The following PLPP1 variants were observed in gnomAD, a reference collection of about 807,000 sequenced individuals.
The protein encoded by PLPP1 is phospholipid phosphatase 1.
In PLPP1, 24 loss-of-function variants were observed where a neutral mutation model predicts 31.2. The ratio of observed to expected loss-of-function variants is 0.77; its 90% CI spans 0.56 to 1.08. The LOEUF is 1.08. PLPP1 is among the 50% of genes least tolerant of loss of function. The probability of loss-of-function intolerance (pLI) is 0.00; values close to 1 mark genes in which losing one functional copy is unlikely to be tolerated. For synonymous variants in PLPP1, 146 were observed against 126.3 expected (o/e 1.16, Z -1.05); for missense variants, 319 against 342.7 (o/e 0.93, Z 0.55).
intron 4 of PLPP1, among the ~76,000 whole-genome samples, chr5:55,428,733 A>G (rs1347514014): frequency 6.6e-6 from 1 of 152,210 alleles, no homozygotes; most frequent in Non-Finnish European, 1.5e-5. Flanking sequence ...CTAATAGTAA[A>G]AAGGCTGTAT....
intron 1 of PLPP1, among the ~76,000 whole-genome samples, chr5:55,492,198 A>G (rs759340240): frequency 6.6e-6 from 1 of 152,202 alleles, no homozygotes; most frequent in Non-Finnish European, 1.5e-5. Context: ...ATACTAAGCC[A>G]TACTTAGGGA....
chr5:55,473,208 A>G (rs965659483), intron 2 of PLPP1, among the ~76,000 whole-genome samples: 1 of 152,222 alleles, frequency 6.6e-6, no homozygotes, highest in East Asian at 1.9e-4. Context: ...AGCAGAAAAA[A>G]TTCAGTGTAA....
intron 1 of PLPP1, among the ~76,000 whole-genome samples, chr5:55,493,747 C>T (rs1420672209): frequency 2.6e-5 from 4 of 151,598 alleles, no homozygotes; most frequent in Non-Finnish European, 4.4e-5. Flanking sequence ...ATTAGCTGGG[C>T]GTAGTGGCTG....
intron 1 of PLPP1, among the ~76,000 whole-genome samples, chr5:55,514,246 G>A (rs1753505655): frequency 6.6e-6 from 1 of 151,754 alleles, no homozygotes; most frequent in South Asian, 2.1e-4. Flanking sequence ...TTAGTCAGCT[G>A]TGGTGGCATG....
chr5:55,435,601 G>A (rs902617783), intron 4 of PLPP1, among the ~76,000 whole-genome samples: 5 of 152,176 alleles, frequency 3.3e-5, no homozygotes, highest in African/African-American at 1.2e-4. Context: ...TGTGCCACTA[G>A]TGTGATCCCT....
At chr5:55,441,936 T>A in intron 3 of PLPP1, 28 bp from the exon 4 acceptor site, 1 of 1,605,846 alleles carries the variant, frequency 6.2e-7, no homozygotes, top group Non-Finnish European at 8.5e-7. Flanking sequence ...CAAATGTTAC[T>A]TTTCTCTCTT....
At chr5:55,478,788 A>G (rs1428326002) in intron 1 of PLPP1, among the ~76,000 whole-genome samples, 1 of 152,142 alleles carries the variant, frequency 6.6e-6, no homozygotes, top group African/African-American at 2.4e-5. Flanking sequence ...ATGGCATCCA[A>G]TGGGATTTCA....
chr5:55,503,812 G>A (rs1579970603), intron 1 of PLPP1, among the ~76,000 whole-genome samples: 1 of 123,546 alleles, frequency 8.1e-6, no homozygotes. Context: ...AGGGGAGGAA[G>A]GGGAGGGGAG....
At chr5:55,493,901 C>T (rs1481492654) in intron 1 of PLPP1, among the ~76,000 whole-genome samples, 3 of 150,584 alleles carry the variant, frequency 2.0e-5, no homozygotes, top group African/African-American at 7.3e-5. Flanking sequence ...AAAAAAATAG[C>T]TGGTCATAGT....
chr5:55,501,052 C>A (rs2111880747), intron 1 of PLPP1, among the ~76,000 whole-genome samples: 1 of 152,316 alleles, frequency 6.6e-6, no homozygotes, highest in East Asian at 1.9e-4. Context: ...TGGTGGCTCA[C>A]CCCTGTAACC....
chr5:55,472,745 AGAAGAGGAAGAGGAAGAAGAAGAG>A (rs1413232867), intron 2 of PLPP1, among the ~76,000 whole-genome samples: 103 of 5,132 alleles, frequency 0.02, no homozygotes, highest in African/African-American at 0.029. Context: ...AGGAAGAGGA[AGAAGAGGAAGAGGAAGAAGAAGAG>A]GAAGAGGAAG....
intron 1 of PLPP1, among the ~76,000 whole-genome samples, chr5:55,497,189 G>A (rs552990036): frequency 2.6e-5 from 4 of 152,032 alleles, no homozygotes; most frequent in South Asian, 2.1e-4. Context: ...CAGCTGCAAC[G>A]CCAAGAAAGA....
chr5:55,515,752 T>C (rs1753542645), intron 1 of PLPP1, among the ~76,000 whole-genome samples: 1 of 152,122 alleles, frequency 6.6e-6, no homozygotes, highest in Non-Finnish European at 1.5e-5. Context: ...CTTAATTCCC[T>C]CCAACCAATC....
At chr5:55,458,887 C>CAAAAAAAAAAAAAAAAAAAAA (rs529067608) in intron 3 of PLPP1, among the ~76,000 whole-genome samples, 1 of 21,098 alleles carries the variant, frequency 4.7e-5, no homozygotes, top group South Asian at 1.4e-3. Flanking sequence ...ACCCTGTCTC[C>CAAAAAAAAAAAAAAAAAAAAA]AAAAAAAAAA....
At chr5:55,512,737 C>CACACACACAA (rs1753465486) in intron 1 of PLPP1, among the ~76,000 whole-genome samples, 3 of 46,500 alleles carry the variant, frequency 6.5e-5, no homozygotes, top group Non-Finnish European at 1.3e-4. Context: ...CACACACACA[C>CACACACACAA]ACACACCCCT....
At position 55,480,501 on chromosome 5, in the gene PLPP1, A is replaced by C. The variant is rs374779506; in HGVS notation, c.59-5051T>G. Among the ~76,000 whole-genome samples, 5 of 151,710 alleles carry C rather than the reference A, an allele frequency of 3.3e-5. No homozygotes were observed. The East Asian group carries it at 9.7e-4, about 30-fold the overall frequency. On this transcript the variant is annotated intron_variant, in intron 1 of 5. Coordinates refer to ENST00000307259, the MANE Select transcript of PLPP1 (RefSeq NM_003711.4). The stretch of plus-strand genomic sequence containing the variant: ...CCACTCATCTGCTATCTGTCTCTAC[A>C]CAAATTTGCCTTTTCTAGACATTTC...
chr5:55,442,460 T>C (rs1296589432), intron 3 of PLPP1, among the ~76,000 whole-genome samples: 4 of 152,122 alleles, frequency 2.6e-5, no homozygotes. Context: ...GAGACCATCC[T>C]GGCCAACATG....
At chr5:55,469,765 C>A (rs1050019369) in intron 2 of PLPP1, among the ~76,000 whole-genome samples, 3 of 152,154 alleles carry the variant, frequency 2.0e-5, no homozygotes, top group Admixed American at 1.3e-4. Flanking sequence ...GAATCTGATA[C>A]CTAAAATCCT....
chr5:55,487,074 A>G (rs1019471567), intron 1 of PLPP1, among the ~76,000 whole-genome samples: 1 of 152,250 alleles, frequency 6.6e-6, no homozygotes, highest in Non-Finnish European at 1.5e-5. Context: ...CTAAAAGGTT[A>G]TGCCATACAG....
Sources: gnomAD v4.1 joint callset for allele counts (sites outside exome capture counted in the v4.1 genomes callset) on GRCh38, gnomAD v4.1.1 for gene constraint, MANE v1.5 for transcripts, NCBI Gene and HGNC (gene_info 2026-07-23, HGNC 2026-07-21) for gene names.